Variants in B4GALNT3 observed in about 807,000 individuals in gnomAD.
The protein encoded by B4GALNT3 is beta-1,4-N-acetyl-galactosaminyltransferase 3, also known as beta-1,4-N-acetylgalactosaminyltransferase 3.
A neutral mutation model predicts 120.2 loss-of-function variants in B4GALNT3; 86 were observed. The ratio of observed to expected loss-of-function variants is 0.72; its 90% CI spans 0.60 to 0.86. The LOEUF is 0.86. B4GALNT3 is among the 40% of genes least tolerant of loss of function. B4GALNT3 has a pLI of 0.00. For synonymous variants in B4GALNT3, 518 were observed against 510.4 expected, an observed-to-expected ratio of 1.01 and a Z score of -0.20; for missense variants, 1,167 against 1,298.9, an observed-to-expected ratio of 0.90 and a Z score of 1.56.
Position 460,685 on chromosome 12 carries a change from C to T in B4GALNT3, c.169+140C>T, listed in dbSNP as rs1407754108. 6.0e-5 allele frequency: 56 copies of T among 933,848 alleles called. No individual in the cohort carries two copies. The highest frequency in any genetic ancestry group is 7.6e-5 in the Non-Finnish European group (54 of 711,890). 57.8% of individuals were successfully genotyped at this position (933,848 alleles called of 1,614,324 possible). A position where few individuals can be genotyped will look rare whatever the true frequency, so the allele number is the denominator to read the frequency against. On this transcript the variant is annotated intron_variant, in intron 1 of 19. Transcript: ENST00000266383. This position sits in a 1 kb window ranked among gnomAD's most constrained non-coding sequence, Gnocchi z 8.0. Reference sequence around the variant, plus strand: ...CCCTCAGGTGCCCGGCGTCGCCCCGCGCGTACTCGGGGAGAGCTGCGGGCG... The same window carrying T: ...CCCTCAGGTGCCCGGCGTCGCCCCGTGCGTACTCGGGGAGAGCTGCGGGCG...
At chr12:471,384 CAATA>C (rs111851364) in intron 1 of B4GALNT3, among the ~76,000 whole-genome samples, 13,756 of 137,160 alleles carry the variant, frequency 0.1, 847 homozygotes, top group East Asian at 0.2. Context: ...GACTCTGTCT[CAATA>C]AATAAATAAA....
chr12:522,508 G>A (rs1017927479), intron 1 of B4GALNT3, among the ~76,000 whole-genome samples: 2 of 152,180 alleles, frequency 1.3e-5, no homozygotes, highest in African/African-American at 4.8e-5. Context: ...CCAGGCCCTG[G>A]GGGGAAGGGA....
intron 1 of B4GALNT3, among the ~76,000 whole-genome samples, chr12:499,869 G>A (rs1474204012): frequency 6.6e-6 from 1 of 152,256 alleles, no homozygotes; most frequent in African/African-American, 2.4e-5. Flanking sequence ...AGGGTTTTAT[G>A]TGAAATTTCC....
At chr12:512,906 C>T (rs368486056) in intron 1 of B4GALNT3, among the ~76,000 whole-genome samples, 26 of 143,370 alleles carry the variant, frequency 1.8e-4, no homozygotes, top group African/African-American at 4.5e-4. Context: ...TTCCGCCTTC[C>T]GCTTTCCACC....
rs1050600403 is a variant in B4GALNT3, at chr12:559,677, C to T, written c.2888+256C>T. ...TTAACATGCCTGGTACACCGTGTAC[C>T]AGGTACACCAAGCTGTGTAGACATA... On this transcript the variant is annotated intron_variant, in intron 19 of 19. Coordinates refer to ENST00000266383, the MANE Select transcript of B4GALNT3 (RefSeq NM_173593.4). Among the ~76,000 whole-genome samples the T allele has an allele frequency of 2.0e-5, 3 of 152,136 alleles. No individual in the cohort carries two copies. The East Asian group carries it at 5.8e-4, about 29-fold the overall frequency.
intron 1 of B4GALNT3, among the ~76,000 whole-genome samples, chr12:484,134 T>C (rs1224565685): frequency 5.3e-5 from 8 of 152,220 alleles, no homozygotes; most frequent in Non-Finnish European, 1.2e-4. Context: ...ACACCTTCTC[T>C]AATCGTTCCT....
chr12:541,705 G>C (rs12369919), intron 3 of B4GALNT3, among the ~76,000 whole-genome samples: 35,831 of 151,996 alleles, frequency 0.24, 4,634 homozygotes, highest in African/African-American at 0.33. Context: ...TTCCCACACT[G>C]CCAGCCTCTC....
At chr12:535,010 G>A (rs1428177352) in intron 1 of B4GALNT3, among the ~76,000 whole-genome samples, 156 bp from the exon 2 acceptor site, 1 of 152,216 alleles carries the variant, frequency 6.6e-6, no homozygotes, top group African/African-American at 2.4e-5. Context: ...CCAGTCTGCA[G>A]CTATCTCCTG....
intron 1 of B4GALNT3, among the ~76,000 whole-genome samples, chr12:519,390 G>A (rs1337926407): frequency 6.6e-6 from 1 of 152,124 alleles, no homozygotes; most frequent in Non-Finnish European, 1.5e-5. Context: ...TGCCTCAGTT[G>A]TCTTCACAAA....
chr12:467,613 T>C (rs1852489766), intron 1 of B4GALNT3, among the ~76,000 whole-genome samples: 1 of 152,190 alleles, frequency 6.6e-6, no homozygotes, highest in African/African-American at 2.4e-5. Context: ...CTTATTATAC[T>C]AGACAACAGC....
At chr12:544,502 C>T (rs1333458609) in intron 4 of B4GALNT3, 68 bp downstream of exon 4, 6 of 1,369,944 alleles carry the variant, frequency 4.4e-6, no homozygotes, top group East Asian at 2.3e-5. Context: ...TTCTGTCTCT[C>T]ATCTTTCCTT....
chr12:544,507 T>C, intron 4 of B4GALNT3, 73 bp downstream of exon 4: 19 of 1,334,502 alleles, frequency 1.4e-5, no homozygotes, highest in Non-Finnish European at 1.9e-5. Flanking sequence ...TCTCTCATCT[T>C]TCCTTACATC....
chr12:552,004 G>A, intron 11 of B4GALNT3, 59 bp from the exon 12 acceptor site: 1 of 1,340,186 alleles, frequency 7.5e-7, no homozygotes, highest in Non-Finnish European at 1.1e-6. Context: ...ACCCTGGCTG[G>A]CTGATTTCTT....
chr12:480,503 A>ACATTACGGAAGG (rs142297546), intron 1 of B4GALNT3, among the ~76,000 whole-genome samples: 6 of 150,142 alleles, frequency 4.0e-5, no homozygotes, highest in South Asian at 2.1e-4. Context: ...GGTCCCCCTG[A>ACATTACGGAAGG]CTGACATTAT....
Position 558,721 on chromosome 12 carries a change from C to G in B4GALNT3, c.2761+60C>G, listed in dbSNP as rs563283702. 76 of 1,558,218 alleles carry G rather than the reference C, an allele frequency of 4.9e-5. 1 individual carries two copies. The East Asian group carries it at 1.6e-3, about 34-fold the overall frequency. ...CTTCTCTGATCTTGGCTCTTAACTC[C>G]AGAGCTGGGAACAGTCATATCTATG... On this transcript the variant is annotated intron_variant, in intron 18 of 19. Coordinates refer to ENST00000266383, the MANE Select transcript of B4GALNT3 (RefSeq NM_173593.4).
Position 553,810 on chromosome 12 carries a change from C to G in B4GALNT3, c.1887C>G (p.Asp629Glu). The G allele has an allele frequency of 6.2e-7, 1 of 1,614,216 alleles. No individual in the cohort carries two copies. The highest frequency in any genetic ancestry group is 8.5e-7 in the Non-Finnish European group (1 of 1,180,030). ...SEVFEYVPVF[D>E]PVVNWDQTFS... ...TGTTCGAGTACGTACCTGTGTTTGACCCGGTAGTAAACTGGGACCAGACCT... is the reference window on the plus strand; with the variant it reads ...TGTTCGAGTACGTACCTGTGTTTGAGCCGGTAGTAAACTGGGACCAGACCT... The change falls in exon 14 of 20, where the codon GAC (aspartate) becomes GAG (glutamate). Residue 629 changes from aspartate (D) to glutamate (E), a missense_variant. By Grantham distance (45) the Asp-to-Glu change is conservative. This residue lies in a region of B4GALNT3 where 983 missense variants were observed against 1,102.5 expected (regional missense o/e 0.89). Transcript: ENST00000266383.
At chr12:484,185 A>T (rs1026848166) in intron 1 of B4GALNT3, among the ~76,000 whole-genome samples, 2 of 152,198 alleles carry the variant, frequency 1.3e-5, no homozygotes, top group Non-Finnish European at 2.9e-5. Context: ...TCACAGGCAG[A>T]CTGCCTCCCT....
chr12:540,149 T>G (rs376143297), intron 3 of B4GALNT3, among the ~76,000 whole-genome samples: 1 of 152,220 alleles, frequency 6.6e-6, no homozygotes, highest in East Asian at 1.9e-4. Flanking sequence ...ACTCATGTCC[T>G]GCGATGGGCT....
chr12:507,751 C>G (rs930131619), intron 1 of B4GALNT3, among the ~76,000 whole-genome samples: 3 of 152,328 alleles, frequency 2.0e-5, no homozygotes, highest in South Asian at 2.1e-4. Flanking sequence ...CTGTAGGGCC[C>G]GTGACTGTGG....
Sources: allele counts gnomAD v4.1 joint callset (sites outside exome capture counted in the v4.1 genomes callset), GRCh38; gene constraint gnomAD v4.1.1; regional missense constraint gnomAD v4.1.1; non-coding constraint Gnocchi (gnomAD v3.1); transcripts MANE v1.5; gene names NCBI Gene and HGNC (gene_info 2026-07-23, HGNC 2026-07-21).